The following SPATA33 variants were observed in gnomAD, a reference collection of about 807,000 sequenced individuals.
SPATA33 encodes the protein spermatogenesis-associated protein 33.
In SPATA33, 10 loss-of-function variants were observed where a neutral mutation model predicts 8.9. The observed-to-expected ratio is 1.12, with a 90% CI of 0.69 to 1.90. SPATA33 has a LOEUF of 1.90. Among genes scored for constraint, SPATA33 ranks in the 40% most tolerant of loss-of-function variants. The pLI is 0.00. For missense variants in SPATA33, 241 were observed against 178.3 expected (o/e 1.35, Z -2.00); for synonymous variants, 96 against 72.8 (o/e 1.32, Z -1.63).
rs144259907 is a variant in SPATA33, at chr16:89,661,031, G to A, written c.211+2610G>A. The A allele has an allele frequency of 6.7e-4, 658 of 989,402 alleles. 2 individuals carry two copies. In the African/African-American group the frequency reaches 0.011, roughly 16 times the overall value. The allele number at this position is 989,402 out of a possible 1,614,324, so 61.3% of individuals were successfully genotyped here. A position where few individuals can be genotyped will look rare whatever the true frequency, so the allele number is the denominator to read the frequency against. On this transcript the variant is annotated intron_variant, in intron 2 of 2. Transcript: ENST00000579310. ...CCTCCAACTGCCTGGACAACCACAC[G>A]TGATACCTGTCCTGCCAAACGTGTC... is the stretch of plus-strand genomic sequence containing the variant.
chr16:89,662,976 T>TATA (rs2059982615), intron 2 of SPATA33, among the ~76,000 whole-genome samples: 1 of 150,390 alleles, frequency 6.6e-6, no homozygotes, highest in Non-Finnish European at 1.5e-5. Context: ...GTATTTTTAG[T>TATA]AGAGACGGGG....
At chr16:89,662,791 G>A (rs1323501912) in intron 2 of SPATA33, among the ~76,000 whole-genome samples, 1 of 151,154 alleles carries the variant, frequency 6.6e-6, no homozygotes, top group South Asian at 2.1e-4. Context: ...CTTTTGTGAC[G>A]TTTTGTTGTT....
intron 2 of SPATA33, among the ~76,000 whole-genome samples, chr16:89,665,001 T>C (rs974064123): frequency 6.6e-6 from 1 of 152,128 alleles, no homozygotes; most frequent in Non-Finnish European, 1.5e-5. Context: ...AAGAGTCACA[T>C]TTATTCTTTC....
Position 89,669,554 on chromosome 16 carries a change from C to G in SPATA33, c.*57C>G. 6.4e-7 allele frequency: 1 copy of G among 1,561,292 alleles called. No individual in the cohort carries two copies. Among genetic ancestry groups the G allele is most frequent in the Non-Finnish European group, 8.8e-7 (1 of 1,142,542 alleles). Reference sequence around the variant, plus strand: ...CTGCGATAGGCGTCTCGGGAACAGCCGCCTCACCCTGTGAGAAGCCGAGGC... The same window carrying G: ...CTGCGATAGGCGTCTCGGGAACAGCGGCCTCACCCTGTGAGAAGCCGAGGC... On this transcript the variant is annotated 3_prime_UTR_variant, in exon 3 of 3. Transcript: ENST00000579310.
Position 89,660,692 on chromosome 16 carries a change from T to C in SPATA33, c.211+2271T>C, listed in dbSNP as rs989513576. Reference sequence around the variant, plus strand: ...ATGGAATGTCCAGAAAAGGCACATTTACAGAGAGAAGCAGATGAGTGGTTG... The same window carrying C: ...ATGGAATGTCCAGAAAAGGCACATTCACAGAGAGAAGCAGATGAGTGGTTG... On this transcript the variant is annotated intron_variant, in intron 2 of 2. Transcript: ENST00000579310. 3 of 784,264 alleles carry C rather than the reference T, an allele frequency of 3.8e-6. No homozygotes were observed. The African/African-American group carries it at 5.4e-5, about 14-fold the overall frequency. 48.6% of individuals were successfully genotyped at this position (784,264 alleles called of 1,614,324 possible).
rs549523922 is a variant in SPATA33, at chr16:89,658,273, C to T, written c.63C>T (p.Thr21=). 4 of 1,614,208 alleles carry T rather than the reference C, an allele frequency of 2.5e-6. No individual in the cohort carries two copies. The highest frequency in any genetic ancestry group is 1.7e-5 in the Admixed American group (1 of 60,036). The part of the protein sequence containing the change: ...RKGEEQKKGS[T]YSVPKSKEKL... Reference sequence around the variant, plus strand: ...GTGAGGAGCAAAAGAAGGGATCCACCTATTCAGTTCCAAAATCTAAGGAGA... The same window carrying T: ...GTGAGGAGCAAAAGAAGGGATCCACTTATTCAGTTCCAAAATCTAAGGAGA... The change falls in exon 2 of 3, where the codon ACC becomes ACT. Residue 21 remains threonine (T), a synonymous_variant. Coordinates refer to ENST00000579310, the MANE Select transcript of SPATA33 (RefSeq NM_001271907.2).
intron 2 of SPATA33, chr16:89,658,784 C>T (rs1434849941): frequency 7.0e-6 from 2 of 286,202 alleles, no homozygotes; most frequent in East Asian, 1.4e-4. Flanking sequence ...GAGGCCGTCC[C>T]AGGCTGGACT....
chr16:89,666,704 T>A (rs1413702113), intron 2 of SPATA33, among the ~76,000 whole-genome samples: 1 of 152,046 alleles, frequency 6.6e-6, no homozygotes. Context: ...GCACTGATAT[T>A]TATTGGATAC....
At chr16:89,667,396 T>C (rs1054072254) in intron 2 of SPATA33, among the ~76,000 whole-genome samples, 3 of 152,228 alleles carry the variant, frequency 2.0e-5, no homozygotes, top group African/African-American at 7.2e-5. Flanking sequence ...AATTAATTAA[T>C]GATATTCATA....
At chr16:89,668,266 C>G (rs767134488) in intron 2 of SPATA33, among the ~76,000 whole-genome samples, 14 of 151,670 alleles carry the variant, frequency 9.2e-5, no homozygotes, top group Admixed American at 2.6e-4. Flanking sequence ...GAGCCGAGAT[C>G]ACACCACTGC....
intron 2 of SPATA33, among the ~76,000 whole-genome samples, chr16:89,663,468 C>G (rs1394190297): frequency 6.6e-6 from 1 of 152,060 alleles, no homozygotes; most frequent in Admixed American, 6.6e-5. Context: ...TTGCCTCAAA[C>G]TCCCGATCTC....
At chr16:89,661,198 G>C in intron 2 of SPATA33, 1 of 985,442 alleles carries the variant, frequency 1.0e-6, no homozygotes, top group South Asian at 4.7e-5. Context: ...TGTGGCAGCT[G>C]TTAGGATATT....
Position 89,657,848 on chromosome 16 carries a change from C to T in SPATA33, c.-64C>T, listed in dbSNP as rs771642101. The T allele has an allele frequency of 1.3e-6, 2 of 1,509,776 alleles. No homozygotes were observed. Among genetic ancestry groups the T allele is most frequent in the Non-Finnish European group, 8.8e-7 (1 of 1,135,760 alleles). The allele number at this position is 1,509,776 out of a possible 1,614,324, so 93.5% of individuals were successfully genotyped here. A position where few individuals can be genotyped will look rare whatever the true frequency, so the allele number is the denominator to read the frequency against. ...GCGAGGACCTTTTGTGAGTCGCTCC[C>T]GGCTCCGCGGCCGCGGAGGTGTGGG... On this transcript the variant is annotated 5_prime_UTR_variant, in exon 1 of 3. Transcript: ENST00000579310.
At position 89,658,654 on chromosome 16, in the gene SPATA33, C is replaced by G. The variant is rs1355417555; in HGVS notation, c.211+233C>G. 8.4e-6 allele frequency: 5 copies of G among 595,528 alleles called. No homozygotes were observed. The African/African-American group carries it at 9.3e-5, about 11-fold the overall frequency. 36.9% of individuals were successfully genotyped at this position (595,528 alleles called of 1,614,324 possible). On this transcript the variant is annotated intron_variant, in intron 2 of 2. Transcript: ENST00000579310. ...TCAGTTCCCGAGTGATAAGTGCGTA[C>G]CAGGTGGTCGAGGGGCTGGGGCAGT...
At chr16:89,666,979 A>T (rs191304349) in intron 2 of SPATA33, among the ~76,000 whole-genome samples, 1 of 152,372 alleles carries the variant, frequency 6.6e-6, no homozygotes, top group African/African-American at 2.4e-5. Context: ...ACTGAAGCAC[A>T]GCATCACAGG....
chr16:89,662,531 C>A (rs747700546), intron 2 of SPATA33, among the ~76,000 whole-genome samples: 1 of 151,536 alleles, frequency 6.6e-6, no homozygotes, highest in Admixed American at 6.6e-5. Flanking sequence ...TCAAGTGATT[C>A]TCCTGCCTCA....
intron 2 of SPATA33, chr16:89,658,674 GGCAGTGT>G: frequency 1.9e-6 from 1 of 538,494 alleles, no homozygotes; most frequent in South Asian, 2.2e-5. Context: ...GAGGGGCTGG[GGCAGTGT>G]GCGTGTGTCT....
At position 89,669,560 on chromosome 16, in the gene SPATA33, A is replaced by T; in HGVS notation, c.*63A>T. On this transcript the variant is annotated 3_prime_UTR_variant, in exon 3 of 3. Transcript: ENST00000579310. Reference sequence around the variant, plus strand: ...TAGGCGTCTCGGGAACAGCCGCCTCACCCTGTGAGAAGCCGAGGCCCCTTC... The same window carrying T: ...TAGGCGTCTCGGGAACAGCCGCCTCTCCCTGTGAGAAGCCGAGGCCCCTTC... 6.5e-7 allele frequency: 1 copy of T among 1,536,364 alleles called. No homozygotes were observed. Among genetic ancestry groups the T allele is most frequent in the Non-Finnish European group, 8.9e-7 (1 of 1,123,414 alleles).
At chr16:89,667,672 A>G (rs1254502016) in intron 2 of SPATA33, among the ~76,000 whole-genome samples, 1 of 152,198 alleles carries the variant, frequency 6.6e-6, no homozygotes, top group Admixed American at 6.5e-5. Context: ...TCTCAAAAAG[A>G]AAAAGGGATA....
Sources: gnomAD v4.1 joint callset for allele counts (sites outside exome capture counted in the v4.1 genomes callset) on GRCh38, gnomAD v4.1.1 for gene constraint, MANE v1.5 for transcripts, NCBI Gene and HGNC (gene_info 2026-07-23, HGNC 2026-07-21) for gene names.